The following CCL17 variants were observed in gnomAD, a reference collection of about 807,000 sequenced individuals.
CCL17 encodes C-C motif chemokine ligand 17.
In CCL17, 8 loss-of-function variants were observed where a neutral mutation model predicts 7.4. That is an observed-to-expected ratio of 1.09 (90% confidence interval 0.64 to 1.96). CCL17 has a LOEUF of 1.96. Ranked by LOEUF, CCL17 falls within the 30% of genes most tolerant of loss-of-function variation. The pLI is 0.00. For missense variants in CCL17, 102 were observed against 113.0 expected, an observed-to-expected ratio of 0.90 and a Z score of 0.44; for synonymous variants, 40 against 46.1, an observed-to-expected ratio of 0.87 and a Z score of 0.54.
intron 1 of CCL17, among the ~76,000 whole-genome samples, chr16:57,409,587 G>A (rs1004643091): frequency 2.0e-5 from 3 of 152,186 alleles, no homozygotes; most frequent in Admixed American, 6.5e-5. Flanking sequence ...GTTCACGGCT[G>A]TGGTCCAGCA....
chr16:57,410,782 G>A (rs191177048), intron 1 of CCL17, among the ~76,000 whole-genome samples: 81 of 152,304 alleles, frequency 5.3e-4, no homozygotes, highest in Non-Finnish European at 1.1e-3. Flanking sequence ...AAAGAAGACT[G>A]AGGCACACTG....
upstream of CCL17, among the ~76,000 whole-genome samples, chr16:57,403,456 AATATATATTATATT>A (rs1902633928): frequency 2.4e-3 from 16 of 6,542 alleles, 1 homozygote; most frequent in South Asian, 8.3e-3. Context: ...ATTATATTAT[AATATATATTATATT>A]ATATATATTA....
intron 2 of CCL17, among the ~76,000 whole-genome samples, chr16:57,414,853 CACAA>C (rs1902843278): frequency 6.6e-6 from 1 of 151,994 alleles, no homozygotes; most frequent in African/African-American, 2.4e-5. Context: ...CATGCACACC[CACAA>C]ACACACGGGA....
At chr16:57,411,048 T>A (rs2146538572) in intron 1 of CCL17, among the ~76,000 whole-genome samples, 1 of 152,320 alleles carries the variant, frequency 6.6e-6, no homozygotes, top group Middle Eastern at 3.4e-3. Context: ...GCCTAAACAG[T>A]GCCCCCTGTG....
intron 1 of CCL17, among the ~76,000 whole-genome samples, chr16:57,405,130 G>A (rs1902675485): frequency 6.6e-6 from 1 of 152,178 alleles, no homozygotes; most frequent in African/African-American, 2.4e-5. Context: ...TTGACTGGAT[G>A]GGGAAGGAAG....
At chr16:57,399,438 T>G in the CCL17 span, among the ~76,000 whole-genome samples, 2 of 152,082 alleles carry the variant, frequency 1.3e-5, no homozygotes, top group East Asian at 3.9e-4. Context: ...TTGACCTTCT[T>G]TTTTTTACTT....
At chr16:57,397,045 T>C in the CCL17 span, among the ~76,000 whole-genome samples, 1 of 152,228 alleles carries the variant, frequency 6.6e-6, no homozygotes, top group Non-Finnish European at 1.5e-5. Flanking sequence ...AGGGAAGGCT[T>C]CTATCCAATT....
chr16:57,403,934 G>C (rs1425299066), upstream of CCL17, among the ~76,000 whole-genome samples: 1 of 151,798 alleles, frequency 6.6e-6, no homozygotes, highest in African/African-American at 2.4e-5. Flanking sequence ...TGGGATTACA[G>C]GCGTGAGCCA....
the CCL17 span, among the ~76,000 whole-genome samples, chr16:57,399,244 G>C: frequency 6.6e-6 from 1 of 152,186 alleles, no homozygotes; most frequent in East Asian, 1.9e-4. Flanking sequence ...CCTGTTTCCA[G>C]GTGCTTATAC....
At position 57,415,255 on chromosome 16, in the gene CCL17, C is replaced by T; in HGVS notation, c.188+57C>T. 8.7e-7 allele frequency: 1 copy of T among 1,145,294 alleles called. No homozygotes were observed. The highest frequency in any genetic ancestry group is 1.3e-6 in the Non-Finnish European group (1 of 753,610). The allele number at this position is 1,145,294 out of a possible 1,614,324, so 70.9% of individuals were successfully genotyped here. Reference sequence around the variant, plus strand: ...AGGGCCAAGCATGGGGACAAGTGCACCCTGGAGCTCCCAGGACGGCCAATG... The same window carrying T: ...AGGGCCAAGCATGGGGACAAGTGCATCCTGGAGCTCCCAGGACGGCCAATG... On this transcript the variant is annotated intron_variant, in intron 3 of 3. Coordinates refer to ENST00000219244, the MANE Select transcript of CCL17 (RefSeq NM_002987.3). This position sits in a 1 kb window ranked among gnomAD's most constrained non-coding sequence, Gnocchi z 4.5.
chr16:57,415,636 G>C lies in CCL17; in HGVS notation c.189-129G>C. 6 of 660,128 alleles carry C rather than the reference G, an allele frequency of 9.1e-6. No individual in the cohort carries two copies. The South Asian group carries it at 1.0e-4, about 11-fold the overall frequency. The allele number at this position is 660,128 out of a possible 1,614,324, so 40.9% of individuals were successfully genotyped here. On this transcript the variant is annotated intron_variant, in intron 3 of 3. Coordinates refer to ENST00000219244, the MANE Select transcript of CCL17 (RefSeq NM_002987.3). The surrounding 1 kb of genome is among the most constrained non-coding windows in gnomAD (Gnocchi z 4.5). Reference sequence around the variant, plus strand: ...GTCCCAGATCTGCCACCAATGCCCTGTGTGACAGCAGCAACTTCCTGCCCC... The same window carrying C: ...GTCCCAGATCTGCCACCAATGCCCTCTGTGACAGCAGCAACTTCCTGCCCC...
chr16:57,403,397 ATATATTATAATATATATAT>A (rs1488122314), upstream of CCL17, among the ~76,000 whole-genome samples: 1 of 22,986 alleles, frequency 4.4e-5, no homozygotes, highest in South Asian at 1.4e-3. Flanking sequence ...TATATAATAT[ATATATTATAATATATATAT>A]TATATTATAA....
In CCL17 at chr16:57,413,966, C is replaced by G; in HGVS notation, c.34C>G (p.Leu12Val). 6.2e-7 allele frequency: 1 copy of G among 1,611,312 alleles called. No individual in the cohort carries two copies. ...APLKMLALVT[L>V]LLGASLQHIH... Reference sequence around the variant, plus strand: ...ACTGAAGATGCTGGCCCTGGTCACCCTCCTCCTGGGGGCTTCTCTGCAGCA... The same window carrying G: ...ACTGAAGATGCTGGCCCTGGTCACCGTCCTCCTGGGGGCTTCTCTGCAGCA... The change falls in exon 2 of 4, where the codon CTC becomes GTC. Residue 12 changes from leucine (L) to valine (V), a missense_variant. Leu to Val is a conservative substitution (Grantham distance 32, BLOSUM62 1). Coordinates refer to ENST00000219244, the MANE Select transcript of CCL17 (RefSeq NM_002987.3).
chr16:57,407,780 T>TCATCCACTCATGTATCCATCCATTCATC (rs1902719121), intron 1 of CCL17, among the ~76,000 whole-genome samples: 2 of 148,396 alleles, frequency 1.3e-5, no homozygotes, highest in African/African-American at 5.1e-5. Flanking sequence ...ACCCATTCAT[T>TCATCCACTCATGTATCCATCCATTCATC]CATCCATTCA....
intron 1 of CCL17, among the ~76,000 whole-genome samples, chr16:57,412,929 C>CCTT (rs796696242): frequency 2.3e-4 from 35 of 152,320 alleles, no homozygotes; most frequent in African/African-American, 8.4e-4. Context: ...TTATCAACCT[C>CCTT]ATTATTGCAA....
Position 57,407,964 on chromosome 16 carries a change from A to G in CCL17, c.-60+3128A>G, listed in dbSNP as rs551159588. Among the ~76,000 whole-genome samples, 7 of 150,052 alleles carry G rather than the reference A, an allele frequency of 4.7e-5. No individual in the cohort carries two copies. In the East Asian group the frequency reaches 9.9e-4, roughly 21 times the overall value. The stretch of plus-strand genomic sequence containing the variant: ...TCACCATCCGTCCACACATCCATCT[A>G]CCATCCATCCATCTATCCATCCATT... On this transcript the variant is annotated intron_variant, in intron 1 of 3. Coordinates refer to ENST00000219244, the MANE Select transcript of CCL17 (RefSeq NM_002987.3).
At position 57,415,235 on chromosome 16, in the gene CCL17, C is replaced by A; in HGVS notation, c.188+37C>A. 2.2e-6 allele frequency: 3 copies of A among 1,368,808 alleles called. No homozygotes were observed. The highest frequency in any genetic ancestry group is 3.1e-6 in the Non-Finnish European group (3 of 956,486). 84.8% of individuals were successfully genotyped at this position (1,368,808 alleles called of 1,614,324 possible). A position where few individuals can be genotyped will look rare whatever the true frequency, so the allele number is the denominator to read the frequency against. ...TGGCTCCACCCCTGCTCCTCAGGGC[C>A]AAGCATGGGGACAAGTGCACCCTGG... On this transcript the variant is annotated intron_variant, in intron 3 of 3. Transcript: ENST00000219244. This position sits in a 1 kb window ranked among gnomAD's most constrained non-coding sequence, Gnocchi z 4.5.
chr16:57,411,094 T>A (rs541631851), intron 1 of CCL17, among the ~76,000 whole-genome samples: 1 of 152,328 alleles, frequency 6.6e-6, no homozygotes, highest in South Asian at 2.1e-4. Context: ...ATGAATCTTA[T>A]CTACAAAACC....
chr16:57,397,025 C>G, the CCL17 span, among the ~76,000 whole-genome samples: 1 of 152,180 alleles, frequency 6.6e-6, no homozygotes, highest in African/African-American at 2.4e-5. Flanking sequence ...TGATCCTTCT[C>G]TGTCTTGCAA....
Sources: gnomAD v4.1 joint callset for allele counts (sites outside exome capture counted in the v4.1 genomes callset) on GRCh38, gnomAD v4.1.1 for gene constraint, Gnocchi (gnomAD v3.1) non-coding constraint, MANE v1.5 for transcripts, NCBI Gene and HGNC (gene_info 2026-07-23, HGNC 2026-07-21) for gene names.